The following SPRY3 variants were observed in gnomAD, a reference collection of about 807,000 sequenced individuals.
SPRY3 encodes the protein sprouty RTK signaling antagonist 3.
Under a neutral mutation model 20.2 loss-of-function variants are expected in SPRY3, and 15 were observed. The ratio of observed to expected loss-of-function variants is 0.74; its 90% confidence interval spans 0.50 to 1.14. The LOEUF is 1.14. Ranked by LOEUF, SPRY3 falls within the 50% of genes most tolerant of loss-of-function variation. The pLI is 0.00. For synonymous variants in SPRY3, 143 were observed against 136.5 expected, an observed-to-expected ratio of 1.05 and a Z score of -0.33; for missense variants, 364 against 363.9, an observed-to-expected ratio of 1.00 and a Z score of 0.00.
chrX:155,737,692 G>C (rs1403548077), intron 2 of SPRY3, among the ~76,000 whole-genome samples: 1 of 152,154 alleles, frequency 6.6e-6, no homozygotes, highest in Non-Finnish European at 1.5e-5. Flanking sequence ...TTGTGAATGT[G>C]ACTGGGGGAT....
chrX:155,727,909 T>C (rs1357384953), intron 2 of SPRY3, among the ~76,000 whole-genome samples: 1 of 152,196 alleles, frequency 6.6e-6, no homozygotes, highest in Non-Finnish European at 1.5e-5. Context: ...TCAGCTTTTC[T>C]GCTCTGGTTT....
intron 2 of SPRY3, among the ~76,000 whole-genome samples, chrX:155,749,574 G>A (rs2091249035): frequency 1.3e-5 from 2 of 151,810 alleles, no homozygotes; most frequent in African/African-American, 4.8e-5. Flanking sequence ...GAAGTATCTG[G>A]GGGTTTTGAC....
At chrX:155,659,613 T>C (rs1004104272) in intron 2 of SPRY3, among the ~76,000 whole-genome samples, 1 of 111,439 alleles carries the variant, frequency 9.0e-6, no homozygotes, top group African/African-American at 3.3e-5. Context: ...TTCAGTAAGA[T>C]TGGTGCCATT....
chrX:155,638,622 TA>T (rs1164436168), intron 1 of SPRY3, among the ~76,000 whole-genome samples: 1 of 109,633 alleles, frequency 9.1e-6, no homozygotes, highest in Non-Finnish European at 1.9e-5. Flanking sequence ...ATTTCTACAT[TA>T]AAGAATCAGC....
At chrX:155,774,426 C>T (rs368665857) in exon 4 of SPRY3, 60 of 1,613,912 alleles carry the variant, frequency 3.7e-5, no homozygotes, top group Non-Finnish European at 4.7e-5. Flanking sequence ...TCGATTATGG[C>T]ACTTGTCTCT....
chrX:155,685,635 G>C (rs1445909295), intron 2 of SPRY3, among the ~76,000 whole-genome samples: 1 of 110,842 alleles, frequency 9.0e-6, no homozygotes, highest in Admixed American at 9.6e-5. Context: ...TCATCATTTA[G>C]TTCCCACTTA....
chrX:155,651,292 C>A (rs781821951), intron 1 of SPRY3, among the ~76,000 whole-genome samples: 45 of 110,523 alleles, frequency 4.1e-4, no homozygotes, highest in African/African-American at 1.4e-3. Context: ...CTCTTGGTCT[C>A]GAGTGATCTG....
intron 2 of SPRY3, among the ~76,000 whole-genome samples, chrX:155,688,748 G>C (rs1265417561): frequency 1.9e-5 from 2 of 104,444 alleles, no homozygotes; most frequent in Non-Finnish European, 3.9e-5. Context: ...TTGTTACATA[G>C]GTAAACATGT....
intron 1 of SPRY3, chrX:155,613,065 T>G (rs1418591156): frequency 8.0e-5 from 9 of 111,943 alleles, no homozygotes; most frequent in Admixed American, 6.6e-4. Flanking sequence ...GCCGGGGCAC[T>G]CTATTCAATC....
intron 2 of SPRY3, among the ~76,000 whole-genome samples, chrX:155,712,654 T>C (rs1434775042): frequency 4.6e-5 from 7 of 152,008 alleles, no homozygotes; most frequent in Admixed American, 1.3e-4. Flanking sequence ...TGTTTTTTAA[T>C]TGGAGAGTTT....
At chrX:155,739,937 A>C (rs1475897245) in intron 2 of SPRY3, among the ~76,000 whole-genome samples, 1 of 152,144 alleles carries the variant, frequency 6.6e-6, no homozygotes, top group Non-Finnish European at 1.5e-5. Flanking sequence ...CCACCTTTCC[A>C]ACAAGGGCAC....
At chrX:155,657,842 C>T (rs185494326) in intron 2 of SPRY3, among the ~76,000 whole-genome samples, 218 of 112,338 alleles carry the variant, frequency 1.9e-3, no homozygotes, top group African/African-American at 6.8e-3. Context: ...TCATGGCTTC[C>T]CTTGGCTAGG....
intron 2 of SPRY3, among the ~76,000 whole-genome samples, chrX:155,694,633 T>C (rs2068113117): frequency 8.9e-6 from 1 of 111,932 alleles, no homozygotes; most frequent in Non-Finnish European, 1.9e-5. Flanking sequence ...CTGACCATAA[T>C]GTAGAATCAG....
At chrX:155,720,734 A>G (rs2091051897) in intron 2 of SPRY3, among the ~76,000 whole-genome samples, 1 of 152,148 alleles carries the variant, frequency 6.6e-6, no homozygotes, top group Non-Finnish European at 1.5e-5. Context: ...CCACAGTGTT[A>G]CTGCTGCCCC....
At chrX:155,736,272 A>G (rs1418971995) in intron 2 of SPRY3, among the ~76,000 whole-genome samples, 2 of 151,882 alleles carry the variant, frequency 1.3e-5, no homozygotes, top group African/African-American at 2.4e-5. Flanking sequence ...GTATTTTTGA[A>G]CACTCTTCCT....
chrX:155,649,231 A>G (rs1457396837), intron 1 of SPRY3, among the ~76,000 whole-genome samples: 4 of 111,789 alleles, frequency 3.6e-5, no homozygotes, highest in Non-Finnish European at 7.5e-5. Context: ...ACTATTCCAA[A>G]CAATAGAAAA....
At chrX:155,718,589 A>G (rs960071137) in intron 2 of SPRY3, among the ~76,000 whole-genome samples, 2 of 152,134 alleles carry the variant, frequency 1.3e-5, no homozygotes, top group Non-Finnish European at 2.9e-5. Context: ...GGCATTTCGA[A>G]TACAAAATAA....
chrX:155,755,027 T>C (rs1004292923), intron 2 of SPRY3, among the ~76,000 whole-genome samples: 1 of 147,288 alleles, frequency 6.8e-6, no homozygotes, highest in Non-Finnish European at 1.5e-5. Flanking sequence ...TAGATATATA[T>C]AATTGCAAAA....
chrX:155,733,702 C>T (rs1358432358), intron 2 of SPRY3, among the ~76,000 whole-genome samples: 1 of 152,038 alleles, frequency 6.6e-6, no homozygotes, highest in Admixed American at 6.6e-5. Context: ...TATGAAAGTT[C>T]TAGATGGCAT....
Sources: gnomAD v4.1 joint callset for allele counts (sites outside exome capture counted in the v4.1 genomes callset) on GRCh38, gnomAD v4.1.1 for gene constraint, MANE v1.5 for transcripts, NCBI Gene and HGNC (gene_info 2026-07-23, HGNC 2026-07-21) for gene names.